The following SGSH variants were observed in gnomAD, a reference collection of about 807,000 sequenced individuals.
The protein encoded by SGSH is N-sulfoglucosamine sulfohydrolase, also known as heparan sulfate sulfatase.
In SGSH, 48 loss-of-function variants were observed where a neutral mutation model predicts 51.0. The observed-to-expected ratio is 0.94, with a 90% confidence interval of 0.75 to 1.20. The LOEUF (loss-of-function observed/expected upper bound fraction) is 1.20, where lower values mean the gene tolerates loss of function less well. Ranked by LOEUF, SGSH falls within the 50% of genes most tolerant of loss-of-function variation. The pLI, the probability that SGSH is intolerant of heterozygous loss-of-function variation, is 0.00. For missense variants in SGSH, 662 were observed against 717.8 expected, an observed-to-expected ratio of 0.92 and a Z score of 0.89; for synonymous variants, 321 against 313.4, an observed-to-expected ratio of 1.02 and a Z score of -0.26.
intron 1 of SGSH, 126 bp from the exon 2 acceptor site, chr17:80,217,318 A>C: frequency 1.8e-6 from 2 of 1,100,204 alleles, no homozygotes; most frequent in Non-Finnish European, 2.7e-6. Context: ...GTACTGGCTC[A>C]GTGTGAACAC....
In SGSH at chr17:80,209,615, G is replaced by T. The variant is rs2041546787; in HGVS notation, c.*837C>A. 1.1e-6 allele frequency: 1 copy of T among 932,848 alleles called. No homozygotes were observed. The highest frequency in any genetic ancestry group is 1.8e-5 in the African/African-American group (1 of 54,868). 57.8% of individuals were successfully genotyped at this position (932,848 alleles called of 1,614,324 possible). A position where few individuals can be genotyped will look rare whatever the true frequency, so the allele number is the denominator to read the frequency against. ...AGAATTAACCCAAGGCAGAGGATGGGCATTGCCACCCAGCAACGCCAGTGT... is the reference window on the plus strand; with the variant it reads ...AGAATTAACCCAAGGCAGAGGATGGTCATTGCCACCCAGCAACGCCAGTGT... On this transcript the variant is annotated 3_prime_UTR_variant, in exon 8 of 8. Coordinates refer to ENST00000326317, the MANE Select transcript of SGSH (RefSeq NM_000199.5).
chr17:80,210,065 G>A lies in SGSH; in HGVS notation c.*387C>T, dbSNP rs1268828135. On this transcript the variant is annotated 3_prime_UTR_variant, in exon 8 of 8. Coordinates refer to ENST00000326317, the MANE Select transcript of SGSH (RefSeq NM_000199.5). ...CTGTGGCTGCCAAAGCCTGAAGAGG[G>A]CCTCAGGCCTCCCATTTGCAGGTCC... 20 of 1,115,508 alleles carry A rather than the reference G, an allele frequency of 1.8e-5. No individual in the cohort carries two copies. In the South Asian group the frequency reaches 4.6e-4, roughly 25 times the overall value. The allele number at this position is 1,115,508 out of a possible 1,614,324, so 69.1% of individuals were successfully genotyped here.
At chr17:80,219,807 G>C in intron 1 of SGSH, 1 of 169,996 alleles carries the variant, frequency 5.9e-6, no homozygotes, top group Non-Finnish European at 1.3e-5. Flanking sequence ...TAAGGGAAAA[G>C]ACAGCTGAGA....
chr17:80,207,101 G>A, downstream of SGSH: 1 of 1,586,446 alleles, frequency 6.3e-7, no homozygotes, highest in Non-Finnish European at 8.7e-7. Flanking sequence ...TGCACGCTGG[G>A]GGCTGGGCAG....
downstream of SGSH, chr17:80,204,284 G>T (rs1168175634): frequency 3.1e-6 from 5 of 1,602,078 alleles, no homozygotes; most frequent in Non-Finnish European, 4.3e-6. Context: ...CAAAGCCAAG[G>T]CCAGCCCTCT....
Position 80,211,849 on chromosome 17 carries a change from A to G in SGSH, c.949+222T>C, listed in dbSNP as rs561569334. 252 of 594,378 alleles carry G rather than the reference A, an allele frequency of 4.2e-4. 2 individuals carry two copies. The highest frequency in any genetic ancestry group is 9.6e-4 in the South Asian group (49 of 50,966). The allele number at this position is 594,378 out of a possible 1,614,324, so 36.8% of individuals were successfully genotyped here. A position where few individuals can be genotyped will look rare whatever the true frequency, so the allele number is the denominator to read the frequency against. On this transcript the variant is annotated intron_variant, in intron 7 of 7. Transcript: ENST00000326317. ...TTGAAAGCAGCAGGATCCAGGCGAG[A>G]ATCCTAGCTTAGTGCTTACCAGCTG... is the stretch of plus-strand genomic sequence containing the variant.
chr17:80,210,850 T>G lies in SGSH; in HGVS notation c.1111A>C (p.Thr371Pro). 6.2e-7 allele frequency: 1 copy of G among 1,613,790 alleles called. No individual in the cohort carries two copies. Among genetic ancestry groups the G allele is most frequent in the Non-Finnish European group, 8.5e-7 (1 of 1,180,028 alleles). Residue 371 changes from threonine (T) to proline (P), a missense_variant, in exon 8 of 8, where the codon ACC (threonine) becomes CCC (proline). Thr to Pro is a conservative substitution (Grantham distance 38). Transcript: ENST00000326317. ...VFGSQSHHEV[T>P]MSYPMRSVQH... ...ACGGAGCGCATGGGGTAGGACATGG[T>G]GACCTCGTGGTGGCTCTGGCTGCCA...
downstream of SGSH, chr17:80,204,893 T>C: frequency 1.4e-6 from 1 of 693,760 alleles, no homozygotes; most frequent in South Asian, 2.0e-5. Context: ...GTGAGTCCTG[T>C]GACCGCTGAG....
chr17:80,204,319 G>T (rs993221979), downstream of SGSH: 1 of 1,587,480 alleles, frequency 6.3e-7, no homozygotes, highest in African/African-American at 1.3e-5. Context: ...ACAGGGGCCA[G>T]TTGGACCCCA....
At position 80,212,197 on chromosome 17, in the gene SGSH, C is replaced by A. The variant is rs765361603; in HGVS notation, c.823G>T (p.Gly275Trp). Reference protein sequence around the residue: ...DTLVIFTSDNGIPFPSGRTNL... With the variant: ...DTLVIFTSDNWIPFPSGRTNL... ...GTCCTGCCGCTGGGGAAGGGGATCCCGTTGTCGGACGTGAAGATCACCAGT... is the reference window on the plus strand; with the variant it reads ...GTCCTGCCGCTGGGGAAGGGGATCCAGTTGTCGGACGTGAAGATCACCAGT... The change falls in exon 7 of 8, where the codon GGG becomes TGG. Residue 275 changes from glycine (G) to tryptophan (W), a missense_variant. Gly to Trp is a radical substitution (Grantham distance 184, BLOSUM62 -2). Transcript: ENST00000326317. This position sits in a 1 kb window ranked among gnomAD's most constrained non-coding sequence, Gnocchi z 5.9. The A allele has an allele frequency of 6.2e-7, 1 of 1,613,398 alleles. No homozygotes were observed. The highest frequency in any genetic ancestry group is 8.5e-7 in the Non-Finnish European group (1 of 1,180,006).
chr17:80,202,732 C>A, downstream of SGSH: 1 of 654,686 alleles, frequency 1.5e-6, no homozygotes, highest in Non-Finnish European at 2.2e-6. Context: ...CTGGGCACTG[C>A]AGGATATAGA....
chr17:80,202,225 C>T (rs756617941), downstream of SGSH: 8 of 1,613,842 alleles, frequency 5.0e-6, no homozygotes, highest in African/African-American at 4.0e-5. Flanking sequence ...GTGGCGACCT[C>T]GGGGGACTCA....
At chr17:80,202,386 A>G, downstream of SGSH, 1 of 1,613,034 alleles carries the variant, frequency 6.2e-7, no homozygotes, top group South Asian at 1.1e-5. Flanking sequence ...CATGAAGGAT[A>G]CTGCCGCGCA....
chr17:80,204,709 G>A (rs2041184678), downstream of SGSH: 2 of 398,570 alleles, frequency 5.0e-6, no homozygotes, highest in South Asian at 6.2e-5. Flanking sequence ...TGAGGAGAAG[G>A]GTGCCACTCT....
downstream of SGSH, chr17:80,201,992 C>G: frequency 7.3e-7 from 1 of 1,372,414 alleles, no homozygotes; most frequent in South Asian, 1.4e-5. This position sits in a 1 kb window ranked among gnomAD's most constrained non-coding sequence, Gnocchi z 5.0. Context: ...GAGGATCAGC[C>G]AGGCTGTGCC....
chr17:80,209,432 G>A lies in SGSH; in HGVS notation c.*1020C>T, dbSNP rs2041533438. The stretch of plus-strand genomic sequence containing the variant: ...CAAGGAAGCGCCCTCTCCTTCGAGG[G>A]GTGTCCAGGCCGAGGGGTGTCCAGG... On this transcript the variant is annotated 3_prime_UTR_variant, in exon 8 of 8. Coordinates refer to ENST00000326317, the MANE Select transcript of SGSH (RefSeq NM_000199.5). The A allele has an allele frequency of 1.0e-6, 1 of 984,396 alleles. No homozygotes were observed. Among genetic ancestry groups the A allele is most frequent in the Non-Finnish European group, 1.2e-6 (1 of 829,136 alleles). 61.0% of individuals were successfully genotyped at this position (984,396 alleles called of 1,614,324 possible).
intron 2 of SGSH, among the ~76,000 whole-genome samples, chr17:80,216,042 A>AG (rs2041878506): frequency 6.6e-6 from 1 of 150,598 alleles, no homozygotes; most frequent in Non-Finnish European, 1.5e-5. Flanking sequence ...AGGACACAAA[A>AG]GGGGGGCCGG....
rs1598736706 is a variant in SGSH, at chr17:80,210,482, G to A, written c.1479C>T (p.Pro493=). 6.2e-7 allele frequency: 1 copy of A among 1,601,570 alleles called. No individual in the cohort carries two copies. The highest frequency in any genetic ancestry group is 1.1e-5 in the South Asian group (1 of 90,718). The change falls in exon 8 of 8, where the codon CCC becomes CCT. Residue 493 remains proline (P), a synonymous_variant. Transcript: ENST00000326317. ...GCTCATTGTGGAGGGGCTGGCACTG[G>A]GGAGAGAGCTTCTCCTCCAGGACGC... The part of the protein sequence containing the change: ...PDGVLEEKLS[P]QCQPLHNEL
chr17:80,217,117 C>A lies in SGSH; in HGVS notation c.164G>T (p.Arg55Leu), dbSNP rs558991918. ...GGCATTGCGAAAGAGGAGGCTGCGGCGGGCCAAGGCGTCCAGGTGCGGGGT... is the reference window on the plus strand; with the variant it reads ...GGCATTGCGAAAGAGGAGGCTGCGGAGGGCCAAGGCGTCCAGGTGCGGGGT... ...IATPHLDALARRSLLFRNAFT... is the reference protein window; with the variant it reads ...IATPHLDALALRSLLFRNAFT... The change falls in exon 2 of 8, where the codon CGC (arginine) becomes CTC (leucine). Residue 55 changes from arginine (R) to leucine (L), a missense_variant. By Grantham distance (102) the Arg-to-Leu change is moderately radical. Transcript: ENST00000326317. The A allele has an allele frequency of 6.2e-7, 1 of 1,601,458 alleles. No individual in the cohort carries two copies. Among genetic ancestry groups the A allele is most frequent in the Non-Finnish European group, 8.5e-7 (1 of 1,175,788 alleles).
Sources: allele counts gnomAD v4.1 joint callset (sites outside exome capture counted in the v4.1 genomes callset), GRCh38; gene constraint gnomAD v4.1.1; non-coding constraint Gnocchi (gnomAD v3.1); transcripts MANE v1.5; gene names NCBI Gene and HGNC (gene_info 2026-07-23, HGNC 2026-07-21).